The following ULK4 variants were observed in gnomAD, a reference collection of about 807,000 sequenced individuals.
ULK4 encodes the protein inactive serine/threonine-protein kinase ULK4.
ULK4 carries 133 observed loss-of-function variants against 160.6 expected under a neutral mutation model. The observed-to-expected ratio is 0.83, with a 90% CI of 0.72 to 0.96. The LOEUF (loss-of-function observed/expected upper bound fraction) is 0.96, where lower values mean the gene tolerates loss of function less well. ULK4 is among the 40% of genes least tolerant of loss of function. The probability of loss-of-function intolerance (pLI) is 0.00; values close to 1 mark genes in which losing one functional copy is unlikely to be tolerated. For synonymous variants in ULK4, 534 were observed against 539.8 expected, an observed-to-expected ratio of 0.99 and a Z score of 0.15; for missense variants, 1,580 against 1,499.5, an observed-to-expected ratio of 1.05 and a Z score of -0.89.
intron 19 of ULK4, among the ~76,000 whole-genome samples, chr3:41,809,007 A>T (rs1182915572): frequency 1.3e-5 from 2 of 152,112 alleles, no homozygotes; most frequent in Non-Finnish European, 1.5e-5. Context: ...CTCTACAAAA[A>T]ATACAAAAAT....
chr3:41,828,221 C>G (rs2041438449), intron 18 of ULK4, among the ~76,000 whole-genome samples: 1 of 143,344 alleles, frequency 7.0e-6, no homozygotes, highest in Non-Finnish European at 1.5e-5. Context: ...TGGAAACATT[C>G]CCTTTGAAAA....
chr3:41,688,627 G>A (rs999546633), intron 27 of ULK4, among the ~76,000 whole-genome samples: 7 of 152,122 alleles, frequency 4.6e-5, no homozygotes, highest in Non-Finnish European at 8.8e-5. Context: ...AATCTGATTT[G>A]TTTTTGTATC....
At chr3:41,402,499 T>C (rs1049713927) in intron 34 of ULK4, among the ~76,000 whole-genome samples, 2 of 152,200 alleles carry the variant, frequency 1.3e-5, no homozygotes, top group African/African-American at 4.8e-5. Context: ...AAATTTTTCA[T>C]AGATGCCCTT....
chr3:41,466,227 T>C (rs1162844748), intron 32 of ULK4, among the ~76,000 whole-genome samples: 7 of 152,152 alleles, frequency 4.6e-5, no homozygotes, highest in Admixed American at 4.6e-4. Flanking sequence ...CTGGTTTCAT[T>C]CAATGAGAAT....
In ULK4 at chr3:41,773,342, A is replaced by C. The variant is rs546337976; in HGVS notation, c.2193+16319T>G. On this transcript the variant is annotated intron_variant, in intron 21 of 36. Transcript: ENST00000301831. ...AAACCCCATTGTCTCAGCCCAAAAT[A>C]TCCTTAAGCTGATAAGCAACTTCAG... is the stretch of plus-strand genomic sequence containing the variant. Among the ~76,000 whole-genome samples the C allele has an allele frequency of 9.1e-4, 138 of 152,266 alleles. 1 individual carries two copies. The highest frequency in any genetic ancestry group is 1.5e-3 in the Non-Finnish European group (100 of 68,012).
chr3:41,906,359 T>C (rs1698561228), intron 12 of ULK4, among the ~76,000 whole-genome samples: 1 of 152,086 alleles, frequency 6.6e-6, no homozygotes. Context: ...ACCCTGTCTT[T>C]ACAAACAATT....
rs141922402 is a variant in ULK4 at position 41,268,719 on chromosome 3, C to T, written c.3679-19145G>A. ...TACTCGGGAGGCTGAGGCAGGAGAA[C>T]GCTTGAACCCGGGAGATGGAGGCTG... On this transcript the variant is annotated intron_variant, in intron 35 of 36. Coordinates refer to ENST00000301831, the MANE Select transcript of ULK4 (RefSeq NM_017886.4). 6.9e-3 allele frequency among the ~76,000 whole-genome samples: 1,033 copies of T among 149,854 alleles called. 10 individuals are homozygous for T. The highest frequency in any genetic ancestry group is 0.023 in the African/African-American group (946 of 40,618).
At chr3:41,575,269 C>T (rs1301466285) in intron 31 of ULK4, among the ~76,000 whole-genome samples, 1 of 152,086 alleles carries the variant, frequency 6.6e-6, no homozygotes, top group Non-Finnish European at 1.5e-5. Flanking sequence ...TTTAGGGGTC[C>T]ACAGGGGGAA....
rs147288542 is a variant in ULK4, at chr3:41,868,105, C to T, written c.1656+15769G>A. 5.9e-3 allele frequency among the ~76,000 whole-genome samples: 899 copies of T among 152,278 alleles called. 10 individuals are homozygous for T. Among genetic ancestry groups the T allele is most frequent in the African/African-American group, 0.02 (850 of 41,558 alleles). On this transcript the variant is annotated intron_variant, in intron 17 of 36. Coordinates refer to ENST00000301831, the MANE Select transcript of ULK4 (RefSeq NM_017886.4). ...GGTATTGTATAATCGTGGGAATTAGCATTCTATAAATGTTATTTCAATTTC... is the reference window on the plus strand; with the variant it reads ...GGTATTGTATAATCGTGGGAATTAGTATTCTATAAATGTTATTTCAATTTC...
intron 25 of ULK4, among the ~76,000 whole-genome samples, chr3:41,706,656 C>T (rs998128189): frequency 3.2e-4 from 48 of 149,904 alleles, no homozygotes; most frequent in African/African-American, 1.1e-3. Context: ...GGTGAAACCC[C>T]GTCTCAATTA....
At chr3:41,479,747 A>C (rs2084256661) in intron 32 of ULK4, among the ~76,000 whole-genome samples, 1 of 152,144 alleles carries the variant, frequency 6.6e-6, no homozygotes, top group African/African-American at 2.4e-5. Context: ...AGGACAGGAG[A>C]CACTAGATTT....
intron 34 of ULK4, among the ~76,000 whole-genome samples, chr3:41,408,185 T>C (rs189724599): frequency 6.6e-6 from 1 of 151,700 alleles, no homozygotes; most frequent in African/African-American, 2.4e-5. Context: ...TCCCAGCACT[T>C]TGGGAGGCCG....
chr3:41,631,581 G>C (rs1169926689), intron 30 of ULK4, among the ~76,000 whole-genome samples: 1 of 152,112 alleles, frequency 6.6e-6, no homozygotes, highest in African/African-American at 2.4e-5. Context: ...ACAGAATGGA[G>C]ATTTTAAATG....
intron 25 of ULK4, among the ~76,000 whole-genome samples, chr3:41,710,991 C>T (rs2037076543): frequency 2.0e-5 from 3 of 151,872 alleles, no homozygotes; most frequent in East Asian, 3.9e-4. Context: ...GGTGGTGGGC[C>T]GACAAGCGGA....
rs554580852 is a variant in ULK4, at chr3:41,514,874, C to T, written c.3226+51151G>A. On this transcript the variant is annotated intron_variant, in intron 32 of 36. Coordinates refer to ENST00000301831, the MANE Select transcript of ULK4 (RefSeq NM_017886.4). ...TAAAAGCCCTTACTTGACCACTATA[C>T]AATCTATGCATGTTTACCCCCAAAA... is the stretch of plus-strand genomic sequence containing the variant. Among the ~76,000 whole-genome samples, 13 of 152,146 alleles carry T rather than the reference C, an allele frequency of 8.5e-5. No homozygotes were observed. The South Asian group carries it at 2.1e-3, about 24-fold the overall frequency.
intron 16 of ULK4, among the ~76,000 whole-genome samples, chr3:41,890,634 G>A (rs1264577906): frequency 1.9e-4 from 29 of 149,852 alleles, no homozygotes; most frequent in Non-Finnish European, 2.7e-4. Context: ...AGCCAAGATC[G>A]CGCCACTGCA....
chr3:41,786,647 A>C (rs2040006181), intron 21 of ULK4, among the ~76,000 whole-genome samples: 1 of 151,732 alleles, frequency 6.6e-6, no homozygotes, highest in Non-Finnish European at 1.5e-5. Context: ...TAAATTTTTT[A>C]ATTGTTAATC....
chr3:41,388,821 TTTG>T (rs2081885501), intron 35 of ULK4, among the ~76,000 whole-genome samples: 1 of 152,186 alleles, frequency 6.6e-6, no homozygotes. Context: ...TCCCTCCAGC[TTTG>T]TTCTTTTGGC....
intron 35 of ULK4, among the ~76,000 whole-genome samples, chr3:41,383,499 C>A (rs2081723627): frequency 6.6e-6 from 1 of 152,134 alleles, no homozygotes; most frequent in African/African-American, 2.4e-5. Context: ...TAAAGACATC[C>A]CAAATTACCA....
Sources: gnomAD v4.1 joint callset for allele counts (sites outside exome capture counted in the v4.1 genomes callset) on GRCh38, gnomAD v4.1.1 for gene constraint, MANE v1.5 for transcripts, NCBI Gene and HGNC (gene_info 2026-07-23, HGNC 2026-07-21) for gene names.